The following PPP2R2A variants were observed in gnomAD, a reference collection of about 807,000 sequenced individuals.
The protein encoded by PPP2R2A is serine/threonine-protein phosphatase 2A 55 kDa regulatory subunit B alpha isoform.
PPP2R2A carries 9 observed loss-of-function variants against 53.2 expected under a neutral mutation model. That is an observed-to-expected ratio of 0.17 (90% CI 0.10 to 0.30). The LOEUF (loss-of-function observed/expected upper bound fraction) is 0.30. Among genes scored for constraint, PPP2R2A ranks in the 10% least tolerant of loss-of-function variants. The pLI is 1.00. For missense variants in PPP2R2A, 235 were observed against 534.6 expected (o/e 0.44, Z 5.53); for synonymous variants, 169 against 174.2 (o/e 0.97, Z 0.23).
intron 2 of PPP2R2A, among the ~76,000 whole-genome samples, chr8:26,305,957 A>G (rs1240101785): frequency 6.6e-6 from 1 of 152,124 alleles, no homozygotes; most frequent in Non-Finnish European, 1.5e-5. Flanking sequence ...TCCAATTAGT[A>G]TTTTTAGAGA....
intron 1 of PPP2R2A, 117 bp from the exon 2 acceptor site, chr8:26,293,549 G>T: frequency 3.2e-6 from 3 of 946,778 alleles, no homozygotes; most frequent in Non-Finnish European, 4.7e-6. Context: ...GGTGGTAGTT[G>T]TATGTGTGGG....
chr8:26,341,059 T>C (rs1803915370), intron 3 of PPP2R2A, among the ~76,000 whole-genome samples: 1 of 152,164 alleles, frequency 6.6e-6, no homozygotes, highest in East Asian at 1.9e-4. Context: ...ATGTGTCTCA[T>C]TCTTCTTAAC....
intron 2 of PPP2R2A, among the ~76,000 whole-genome samples, chr8:26,314,435 G>C (rs1802442614): frequency 6.6e-6 from 1 of 152,022 alleles, no homozygotes; most frequent in Non-Finnish European, 1.5e-5. Context: ...TGCTGTGTTG[G>C]AGCTCCTTGT....
intron 3 of PPP2R2A, among the ~76,000 whole-genome samples, chr8:26,346,123 A>G (rs1179745040): frequency 6.8e-6 from 1 of 148,110 alleles, no homozygotes; most frequent in Non-Finnish European, 1.5e-5. Flanking sequence ...TCGGGTTATT[A>G]TTATTATTAT....
chr8:26,343,798 T>C (rs942571233), intron 3 of PPP2R2A, among the ~76,000 whole-genome samples: 3 of 152,246 alleles, frequency 2.0e-5, no homozygotes, highest in Non-Finnish European at 4.4e-5. Context: ...TATTAAAATG[T>C]CATTTCTGTT....
In PPP2R2A at chr8:26,354,402, A is replaced by T; in HGVS notation, c.181-66A>T. 7.6e-7 allele frequency: 1 copy of T among 1,316,002 alleles called. No individual in the cohort carries two copies. Among genetic ancestry groups the T allele is most frequent in the Non-Finnish European group, 1.0e-6 (1 of 974,920 alleles). The allele number at this position is 1,316,002 out of a possible 1,614,324, so 81.5% of individuals were successfully genotyped here. A position where few individuals can be genotyped will look rare whatever the true frequency, so the allele number is the denominator to read the frequency against. On this transcript the variant is annotated intron_variant, in intron 3 of 9. Transcript: ENST00000380737. The surrounding 1 kb of genome is among the most constrained non-coding windows in gnomAD (Gnocchi z 4.6). ...GAATGTGCAGGGTCCTTTGGAATTG[A>T]TTACATATTTGATTATTTTGAAATA...
intron 4 of PPP2R2A, among the ~76,000 whole-genome samples, chr8:26,358,497 T>C (rs1804909104): frequency 6.6e-6 from 1 of 152,118 alleles, no homozygotes; most frequent in South Asian, 2.1e-4. Flanking sequence ...AAATAATAGA[T>C]TACAGATGAT....
intron 2 of PPP2R2A, among the ~76,000 whole-genome samples, chr8:26,298,229 GT>G (rs11316375): frequency 0.019 from 2,910 of 152,210 alleles, 91 homozygotes; most frequent in African/African-American, 0.067. Flanking sequence ...ACAGTAAGAA[GT>G]TTTTGGAAAT....
intron 3 of PPP2R2A, among the ~76,000 whole-genome samples, chr8:26,352,787 G>A (rs748923918): frequency 3.9e-5 from 6 of 152,124 alleles, no homozygotes; most frequent in Non-Finnish European, 7.4e-5. Context: ...GTTGTTTTGT[G>A]CTTTTCTTAA....
chr8:26,310,022 C>T (rs145661491), intron 2 of PPP2R2A, among the ~76,000 whole-genome samples: 1,591 of 151,432 alleles, frequency 0.011, 32 homozygotes, highest in African/African-American at 0.036. Flanking sequence ...GTGGCTCACC[C>T]CTGTAATCCT....
intron 2 of PPP2R2A, among the ~76,000 whole-genome samples, chr8:26,337,013 C>T (rs1276656512): frequency 6.6e-6 from 1 of 152,056 alleles, no homozygotes. Context: ...AGCTCATCAG[C>T]CTGACAAGGA....
chr8:26,355,120 A>G lies in PPP2R2A; in HGVS notation c.346+487A>G, dbSNP rs149997913. Among the ~76,000 whole-genome samples, 768 of 152,346 alleles carry G rather than the reference A, an allele frequency of 5.0e-3. 4 individuals are homozygous for G. Among genetic ancestry groups the G allele is most frequent in the Non-Finnish European group, 9.2e-3 (625 of 68,026 alleles). ...CAGAGTATCTCAAACTGCAGATACA[A>G]AATACTCAAAGGATGGTCTCCATTC... is the stretch of plus-strand genomic sequence containing the variant. On this transcript the variant is annotated intron_variant, in intron 4 of 9. Transcript: ENST00000380737.
chr8:26,297,523 T>C (rs1392541277), intron 2 of PPP2R2A, among the ~76,000 whole-genome samples: 2 of 152,228 alleles, frequency 1.3e-5, no homozygotes, highest in Non-Finnish European at 1.5e-5. Flanking sequence ...ACATTTTTAA[T>C]TTTTCTTTTA....
chr8:26,350,579 T>G (rs1189670142), intron 3 of PPP2R2A: 2 of 151,924 alleles, frequency 1.3e-5, no homozygotes, highest in African/African-American at 2.4e-5. Context: ...TTTTTTTTTC[T>G]CTCTCTCTTT....
intron 2 of PPP2R2A, among the ~76,000 whole-genome samples, chr8:26,304,328 T>G (rs1387772025): frequency 1.3e-5 from 2 of 152,052 alleles, no homozygotes; most frequent in African/African-American, 2.4e-5. Flanking sequence ...GTAAAAACAT[T>G]AGAAGGATAT....
chr8:26,341,147 TATC>T (rs1803920426), intron 3 of PPP2R2A, among the ~76,000 whole-genome samples: 3 of 152,280 alleles, frequency 2.0e-5, no homozygotes, highest in South Asian at 4.1e-4. Context: ...GTGGTGTAAA[TATC>T]AGCATGTTTT....
chr8:26,347,956 A>G (rs1585389663), intron 3 of PPP2R2A, among the ~76,000 whole-genome samples: 2 of 152,168 alleles, frequency 1.3e-5, no homozygotes, highest in South Asian at 4.1e-4. Flanking sequence ...AAAGTTCCCC[A>G]TATTTTCTGA....
rs373380495 is a variant in PPP2R2A, at chr8:26,366,419, A to G, written c.1064+13A>G. On this transcript the variant is annotated intron_variant, in intron 9 of 9. Coordinates refer to ENST00000380737, the MANE Select transcript of PPP2R2A (RefSeq NM_002717.4). ...ATGGATCTGACAGGTAATTAAGTCA[A>G]ACCTCTCAAATATGAATTTTATTAA... 41 of 1,530,486 alleles carry G rather than the reference A, an allele frequency of 2.7e-5. No homozygotes were observed. The highest frequency in any genetic ancestry group is 1.3e-4 in the African/African-American group (9 of 71,164). 94.8% of individuals were successfully genotyped at this position (1,530,486 alleles called of 1,614,324 possible). A position where few individuals can be genotyped will look rare whatever the true frequency, so the allele number is the denominator to read the frequency against.
At chr8:26,348,357 A>C (rs1804327497) in intron 3 of PPP2R2A, among the ~76,000 whole-genome samples, 1 of 152,194 alleles carries the variant, frequency 6.6e-6, no homozygotes, top group African/African-American at 2.4e-5. Context: ...AGTATTCCAG[A>C]ATTGGAGACT....
Sources: gnomAD v4.1 joint callset for allele counts (sites outside exome capture counted in the v4.1 genomes callset) on GRCh38, gnomAD v4.1.1 for gene constraint, Gnocchi (gnomAD v3.1) non-coding constraint, MANE v1.5 for transcripts, NCBI Gene and HGNC (gene_info 2026-07-23, HGNC 2026-07-21) for gene names.